The following SCAPER variants were observed in gnomAD, a reference collection of about 807,000 sequenced individuals.
The protein encoded by SCAPER is S phase cyclin A-associated protein in the endoplasmic reticulum.
SCAPER carries 98 observed loss-of-function variants against 182.2 expected under a neutral mutation model. That is an observed-to-expected ratio of 0.54 (90% CI 0.46 to 0.64). SCAPER has a LOEUF of 0.64. Ranked by LOEUF, SCAPER falls within the 30% of genes least tolerant of loss-of-function variation. SCAPER has a pLI of 0.00. For missense variants in SCAPER, 1,432 were observed against 1,690.0 expected, an observed-to-expected ratio of 0.85 and a Z score of 2.68; for synonymous variants, 605 against 564.6, an observed-to-expected ratio of 1.07 and a Z score of -1.01.
At chr15:76,840,779 T>C (rs1483989388) in intron 5 of SCAPER, among the ~76,000 whole-genome samples, 1 of 152,212 alleles carries the variant, frequency 6.6e-6, no homozygotes, top group Non-Finnish European at 1.5e-5. Flanking sequence ...AGTAATATGG[T>C]ATAAAGTCTC....
rs532610646 is a variant in SCAPER, at chr15:76,604,869, T to C, written c.2711+16895A>G. ...TAAAAATGCTTGTGATTTTTGCACATTTATTTTGTATCCTGAGACTTTGCT... is the reference window on the plus strand; with the variant it reads ...TAAAAATGCTTGTGATTTTTGCACACTTATTTTGTATCCTGAGACTTTGCT... On this transcript the variant is annotated intron_variant, in intron 22 of 31. Coordinates refer to ENST00000563290, the MANE Select transcript of SCAPER (RefSeq NM_020843.4). Among the ~76,000 whole-genome samples the C allele has an allele frequency of 2.0e-3, 308 of 151,874 alleles. 3 individuals carry two copies. The highest frequency in any genetic ancestry group is 6.7e-3 in the African/African-American group (277 of 41,518).
At chr15:76,369,663 A>G (rs2042021021) in intron 29 of SCAPER, among the ~76,000 whole-genome samples, 1 of 152,230 alleles carries the variant, frequency 6.6e-6, no homozygotes, top group Non-Finnish European at 1.5e-5. Flanking sequence ...TCGCTTAGCA[A>G]ATTACTGGAT....
intron 20 of SCAPER, among the ~76,000 whole-genome samples, chr15:76,700,594 T>C (rs749772108): frequency 2.0e-5 from 3 of 152,134 alleles, no homozygotes; most frequent in Non-Finnish European, 4.4e-5. Context: ...CTGCTCAGAG[T>C]GTGCCAGCCT....
At chr15:76,538,671 T>C (rs1375368464) in intron 23 of SCAPER, among the ~76,000 whole-genome samples, 1 of 151,990 alleles carries the variant, frequency 6.6e-6, no homozygotes, top group African/African-American at 2.4e-5. Context: ...CATATGTAAC[T>C]AATCCTGCAC....
At chr15:76,539,139 T>C (rs1007031877) in intron 23 of SCAPER, among the ~76,000 whole-genome samples, 11 of 152,044 alleles carry the variant, frequency 7.2e-5, no homozygotes, top group African/African-American at 2.7e-4. Flanking sequence ...GCAATTGCTA[T>C]ACAAAACTGC....
chr15:76,372,146 C>T (rs945204985), intron 29 of SCAPER, among the ~76,000 whole-genome samples: 2 of 152,078 alleles, frequency 1.3e-5, no homozygotes, highest in Non-Finnish European at 2.9e-5. Flanking sequence ...GTTTAGTATT[C>T]CATCCTTCTG....
intron 25 of SCAPER, among the ~76,000 whole-genome samples, chr15:76,446,674 T>A (rs1448489467): frequency 6.6e-6 from 1 of 152,220 alleles, no homozygotes; most frequent in African/African-American, 2.4e-5. Flanking sequence ...GAGATTAACA[T>A]TCTGGAGAAC....
At chr15:76,580,764 C>A (rs2048212607) in intron 22 of SCAPER, among the ~76,000 whole-genome samples, 1 of 151,846 alleles carries the variant, frequency 6.6e-6, no homozygotes, top group Non-Finnish European at 1.5e-5. Flanking sequence ...ACGAGAAAAG[C>A]AAGAGCAATC....
intron 22 of SCAPER, among the ~76,000 whole-genome samples, chr15:76,606,292 C>T (rs535514924): frequency 6.6e-6 from 1 of 152,298 alleles, no homozygotes; most frequent in Non-Finnish European, 1.5e-5. Flanking sequence ...AGTAGTCATT[C>T]AGGAGCAGGT....
Position 76,464,353 on chromosome 15 carries a change from GTTGA to G in SCAPER, c.3078+6855_3078+6858del, listed in dbSNP as rs771363482. Among the ~76,000 whole-genome samples, 139 of 151,932 alleles carry G rather than the reference GTTGA, an allele frequency of 9.1e-4. 1 individual carries two copies. Among genetic ancestry groups the G allele is most frequent in the Middle Eastern group, 3.4e-3 (1 of 294 alleles). On this transcript the variant is annotated intron_variant, in intron 25 of 31. Coordinates refer to ENST00000563290, the MANE Select transcript of SCAPER (RefSeq NM_020843.4). The stretch of plus-strand genomic sequence containing the variant: ...TGACAGAATTCCCTTCTTTTTTAAG[GTTGA>G]TTAATATTCCATTGTTTGTACAGTT...
At chr15:76,724,812 T>C (rs1352472721) in intron 17 of SCAPER, among the ~76,000 whole-genome samples, 2 of 152,184 alleles carry the variant, frequency 1.3e-5, no homozygotes, top group Non-Finnish European at 2.9e-5. Context: ...TTGGTTATTC[T>C]AGTTATCCAT....
At chr15:76,812,479 C>A (rs2066699776) in intron 5 of SCAPER, among the ~76,000 whole-genome samples, 1 of 40,932 alleles carries the variant, frequency 2.4e-5, no homozygotes. Context: ...CGGAGTGAGA[C>A]TCTGAAAAAA....
At chr15:76,693,816 CAGGG>C (rs2058508326) in intron 20 of SCAPER, among the ~76,000 whole-genome samples, 3 of 151,930 alleles carry the variant, frequency 2.0e-5, no homozygotes, top group Non-Finnish European at 4.4e-5. Flanking sequence ...TAGTGATCAC[CAGGG>C]TCTGGAGGGA....
chr15:76,666,809 C>A (rs2056606172), intron 20 of SCAPER, among the ~76,000 whole-genome samples: 2 of 152,142 alleles, frequency 1.3e-5, no homozygotes, highest in South Asian at 4.1e-4. Context: ...TCCACACACT[C>A]CCACAGCTAA....
intron 20 of SCAPER, among the ~76,000 whole-genome samples, chr15:76,699,387 T>C (rs1422527392): frequency 3.3e-5 from 5 of 152,184 alleles, no homozygotes; most frequent in African/African-American, 1.2e-4. Flanking sequence ...CACTATGATG[T>C]TGGCTGTGGG....
intron 23 of SCAPER, among the ~76,000 whole-genome samples, chr15:76,572,012 C>A (rs900712053): frequency 6.6e-6 from 1 of 152,140 alleles, no homozygotes; most frequent in African/African-American, 2.4e-5. Flanking sequence ...GCAGTGTATA[C>A]TCTGAGGACA....
chr15:76,847,746 C>A (rs1030128400), intron 4 of SCAPER, among the ~76,000 whole-genome samples: 6 of 152,204 alleles, frequency 3.9e-5, no homozygotes, highest in South Asian at 2.1e-4. Flanking sequence ...CACAGCAAGA[C>A]CCTATTTCTA....
intron 25 of SCAPER, 85 bp downstream of exon 25, chr15:76,471,123 GTAAC>G (rs2050128914): frequency 1.1e-6 from 1 of 936,728 alleles, no homozygotes; most frequent in African/African-American, 1.8e-5. Flanking sequence ...CATCTGGAGA[GTAAC>G]TAAGTTGAAT....
At chr15:76,835,606 C>G (rs975370804) in intron 5 of SCAPER, among the ~76,000 whole-genome samples, 2 of 152,094 alleles carry the variant, frequency 1.3e-5, no homozygotes, top group African/African-American at 4.8e-5. Context: ...TGGGCAAATG[C>G]TGAAACTATT....
Sources: allele counts gnomAD v4.1 joint callset (sites outside exome capture counted in the v4.1 genomes callset), GRCh38; gene constraint gnomAD v4.1.1; transcripts MANE v1.5; gene names NCBI Gene and HGNC (gene_info 2026-07-23, HGNC 2026-07-21).